Variants in PRTG observed in about 807,000 individuals in gnomAD.
PRTG encodes protogenin.
Under a neutral mutation model 122.5 loss-of-function variants are expected in PRTG, and 67 were observed. The ratio of observed to expected loss-of-function variants is 0.55; its 90% CI spans 0.45 to 0.67. The LOEUF is 0.67. PRTG is among the 30% of genes least tolerant of loss of function. PRTG has a pLI of 0.00. For missense variants in PRTG, 1,435 were observed against 1,415.4 expected, an observed-to-expected ratio of 1.01 and a Z score of -0.22; for synonymous variants, 554 against 501.1, an observed-to-expected ratio of 1.11 and a Z score of -1.41.
At position 55,616,558 on chromosome 15, in the gene PRTG, C is replaced by T. The variant is rs924227738; in HGVS notation, c.*3454G>A. 7 of 152,212 alleles carry T rather than the reference C, an allele frequency of 4.6e-5. No homozygotes were observed. In the East Asian group the frequency reaches 1.2e-3, roughly 25 times the overall value. 9.4% of individuals were successfully genotyped at this position (152,212 alleles called of 1,614,324 possible). Reference sequence around the variant, plus strand: ...ATCATTTGGCAAAAACATCATGTGGCTGAATCACAGATTAAATGGAAAGTC... The same window carrying T: ...ATCATTTGGCAAAAACATCATGTGGTTGAATCACAGATTAAATGGAAAGTC... On this transcript the variant is annotated 3_prime_UTR_variant, in exon 20 of 20. Coordinates refer to ENST00000389286, the MANE Select transcript of PRTG (RefSeq NM_173814.6).
At position 55,611,545 on chromosome 15, in the gene PRTG, C is replaced by CT. The variant is rs2059120557; in HGVS notation, c.*8466dup. ...AGAATAAAAGAAAACATGGGTTTGT[C>CT]TTTTTTAACTAAGGAAAGCTTTTAT... is the stretch of plus-strand genomic sequence containing the variant. On this transcript the variant is annotated 3_prime_UTR_variant, in exon 20 of 20. Transcript: ENST00000389286. The CT allele has an allele frequency of 1.3e-5, 2 of 151,994 alleles. No homozygotes were observed. Among genetic ancestry groups the CT allele is most frequent in the South Asian group, 2.1e-4 (1 of 4,824 alleles). 9.4% of individuals were successfully genotyped at this position (151,994 alleles called of 1,614,324 possible).
chr15:55,734,476 T>C (rs2031346151), intron 2 of PRTG, among the ~76,000 whole-genome samples: 1 of 152,046 alleles, frequency 6.6e-6, no homozygotes, highest in Non-Finnish European at 1.5e-5. Context: ...TTTCTGTAAG[T>C]TTTAAGGACT....
At chr15:55,657,863 T>C (rs1007480016) in intron 11 of PRTG, among the ~76,000 whole-genome samples, 16 of 152,284 alleles carry the variant, frequency 1.1e-4, no homozygotes, top group Admixed American at 9.2e-4. Flanking sequence ...TAAAAAATTA[T>C]GATCAAATAC....
At chr15:55,633,448 G>A (rs900521940) in intron 15 of PRTG, among the ~76,000 whole-genome samples, 5 of 152,010 alleles carry the variant, frequency 3.3e-5, no homozygotes, top group African/African-American at 1.2e-4. Flanking sequence ...GTACTACCAT[G>A]TACCATTTTA....
At chr15:55,655,404 G>T (rs2059374211) in intron 11 of PRTG, 2 of 152,082 alleles carry the variant, frequency 1.3e-5, no homozygotes, top group Non-Finnish European at 2.9e-5. Flanking sequence ...AAACCAAAAA[G>T]ATTTTCTGAT....
intron 7 of PRTG, 45 bp downstream of exon 7, chr15:55,679,241 G>A: frequency 7.9e-7 from 1 of 1,270,846 alleles, no homozygotes; most frequent in Non-Finnish European, 1.1e-6. Context: ...AATTACTAAA[G>A]CCATTATATC....
intron 11 of PRTG, among the ~76,000 whole-genome samples, chr15:55,649,083 C>T (rs2059339555): frequency 1.4e-5 from 2 of 138,586 alleles, no homozygotes; most frequent in Admixed American, 7.7e-5. Context: ...AGCAAGACTC[C>T]GTCTCAAAAA....
At chr15:55,631,926 T>C (rs960359042) in intron 15 of PRTG, among the ~76,000 whole-genome samples, 3 of 152,180 alleles carry the variant, frequency 2.0e-5, no homozygotes, top group Non-Finnish European at 4.4e-5. Context: ...GACAGAAAAC[T>C]TTTTTTCATA....
At chr15:55,715,535 A>G (rs1390664892) in intron 2 of PRTG, among the ~76,000 whole-genome samples, 9 of 152,214 alleles carry the variant, frequency 5.9e-5, no homozygotes, top group Admixed American at 5.2e-4. Context: ...GGCAACTCCA[A>G]GCCCTAACGG....
chr15:55,708,148 TAAAAA>T (rs35216342), intron 2 of PRTG, among the ~76,000 whole-genome samples: 3 of 70,032 alleles, frequency 4.3e-5, no homozygotes, highest in Non-Finnish European at 5.8e-5. Context: ...AGTAAGCTGG[TAAAAA>T]AAAAAAAAAA....
chr15:55,724,589 T>G (rs1005028403), intron 2 of PRTG, among the ~76,000 whole-genome samples: 7 of 145,900 alleles, frequency 4.8e-5, no homozygotes, highest in African/African-American at 1.8e-4. Flanking sequence ...TGTCTCTACT[T>G]AAAAAAAAAA....
intron 11 of PRTG, among the ~76,000 whole-genome samples, chr15:55,646,176 T>G (rs1036930855): frequency 2.5e-4 from 37 of 147,472 alleles, no homozygotes; most frequent in Admixed American, 7.4e-4. Flanking sequence ...CCAGCTAGTT[T>G]TTTTTTTTTT....
Position 55,616,025 on chromosome 15 carries a change from C to T in PRTG, c.*3987G>A, listed in dbSNP as rs1379691774. ...CATTGTTCCCAATGTTGGCATTGCT[C>T]GTTTCAAGCACAGACAAAAGTATAG... On this transcript the variant is annotated 3_prime_UTR_variant, in exon 20 of 20. Coordinates refer to ENST00000389286, the MANE Select transcript of PRTG (RefSeq NM_173814.6). 1 of 151,968 alleles carries T rather than the reference C, an allele frequency of 6.6e-6. No homozygotes were observed. The highest frequency in any genetic ancestry group is 2.1e-4 in the South Asian group (1 of 4,828). 9.4% of individuals were successfully genotyped at this position (151,968 alleles called of 1,614,324 possible).
chr15:55,742,803 C>G, intron 1 of PRTG, 35 bp downstream of exon 1: 1 of 1,539,726 alleles, frequency 6.5e-7, no homozygotes, highest in Non-Finnish European at 8.8e-7. Flanking sequence ...TCCCGCCCCA[C>G]AGCGGTAAGA....
At chr15:55,648,290 A>G (rs2059335070) in intron 11 of PRTG, among the ~76,000 whole-genome samples, 2 of 152,196 alleles carry the variant, frequency 1.3e-5, no homozygotes, top group Admixed American at 6.5e-5. Flanking sequence ...CTTATCCTCA[A>G]TGACCAGACT....
rs1203360963 is a variant in PRTG at position 55,742,849 on chromosome 15, C to G, written c.83G>C (p.Ser28Thr). The change falls in exon 1 of 20, where the codon AGT becomes ACT. Residue 28 changes from serine (S) to threonine (T), a missense_variant. Transcript: ENST00000389286. ...LRALLLLLLL[S>T]PLPGVWCFSE... is the part of the protein sequence containing the mutation. ...GAAAGCGCGCCCACCTGGCAAAGGA[C>G]TGAGCAGCAGCAGGAGCAGGAGCGC... 6 of 1,541,056 alleles carry G rather than the reference C, an allele frequency of 3.9e-6. No individual in the cohort carries two copies. In the Admixed American group the frequency reaches 7.9e-5, roughly 20 times the overall value.
chr15:55,634,181 C>A (rs2059243640), intron 15 of PRTG, among the ~76,000 whole-genome samples: 1 of 150,580 alleles, frequency 6.6e-6, no homozygotes, highest in Admixed American at 6.7e-5. Context: ...GATTCTCCTG[C>A]CTCAGCCTAC....
At chr15:55,711,681 C>A (rs1360846340) in intron 2 of PRTG, among the ~76,000 whole-genome samples, 8 of 152,152 alleles carry the variant, frequency 5.3e-5, no homozygotes, top group African/African-American at 1.7e-4. Context: ...CATTCTCCTT[C>A]ACCAGCAAGC....
At chr15:55,712,447 G>T (rs922089394) in intron 2 of PRTG, among the ~76,000 whole-genome samples, 1 of 152,190 alleles carries the variant, frequency 6.6e-6, no homozygotes, top group African/African-American at 2.4e-5. Flanking sequence ...AGGTGGATTT[G>T]ATTTCTTTGG....
Sources: gnomAD v4.1 joint callset for allele counts (sites outside exome capture counted in the v4.1 genomes callset) on GRCh38, gnomAD v4.1.1 for gene constraint, MANE v1.5 for transcripts, NCBI Gene and HGNC (gene_info 2026-07-23, HGNC 2026-07-21) for gene names.